The following MALRD1 variants were observed in gnomAD, a reference collection of about 807,000 sequenced individuals.
The protein encoded by MALRD1 is MAM and LDL-receptor class A domain-containing protein 1.
MALRD1 carries 247 observed loss-of-function variants against 242.1 expected under a neutral mutation model. The ratio of observed to expected loss-of-function variants is 1.02; its 90% confidence interval spans 0.92 to 1.13. MALRD1 has a LOEUF of 1.13. Among genes scored for constraint, MALRD1 ranks in the 50% most tolerant of loss-of-function variants. The pLI is 0.00. For missense variants in MALRD1, 2,989 were observed against 2,533.1 expected (o/e 1.18, Z -3.86); for synonymous variants, 995 against 866.6 (o/e 1.15, Z -2.60).
chr10:19,287,439 G>T (rs1270364104), intron 21 of MALRD1, among the ~76,000 whole-genome samples: 1 of 151,930 alleles, frequency 6.6e-6, no homozygotes, highest in Non-Finnish European at 1.5e-5. Context: ...TTCTGTTTAA[G>T]TTATTAGCTT....
intron 29 of MALRD1, among the ~76,000 whole-genome samples, chr10:19,479,351 C>A (rs4415632): frequency 6.6e-6 from 1 of 152,126 alleles, no homozygotes; most frequent in Admixed American, 6.5e-5. Flanking sequence ...TCAGATAATT[C>A]TTCGTGGAAG....
rs186414806 is a variant in MALRD1, at chr10:19,423,311, A to G, written c.4846-26996A>G. Among the ~76,000 whole-genome samples the G allele has an allele frequency of 5.9e-5, 9 of 152,140 alleles. No homozygotes were observed. In the East Asian group the frequency reaches 1.7e-3, roughly 29 times the overall value. On this transcript the variant is annotated intron_variant, in intron 28 of 39. Coordinates refer to ENST00000454679, the MANE Select transcript of MALRD1 (RefSeq NM_001142308.3). ...CTCTGTGGACCTGAAGTTATTACCA[A>G]TCTATGAACAAATATTATAATGATG...
At chr10:19,191,292 A>C (rs963085957) in intron 14 of MALRD1, among the ~76,000 whole-genome samples, 3 of 152,168 alleles carry the variant, frequency 2.0e-5, no homozygotes, top group African/African-American at 2.4e-5. Flanking sequence ...ATTACTACCC[A>C]AAAATAATAA....
At position 19,163,137 on chromosome 10, in the gene MALRD1, T is replaced by TGAAAAAAAA. The variant is rs1491309752; in HGVS notation, c.1657-2500_1657-2499insGAAAAAAAA. Among the ~76,000 whole-genome samples, 12 of 43,854 alleles carry TGAAAAAAAA rather than the reference T, an allele frequency of 2.7e-4. 2 individuals are homozygous for TGAAAAAAAA. The highest frequency in any genetic ancestry group is 7.0e-4 in the Admixed American group (2 of 2,860). The allele number at this position is 43,854 out of a possible 152,430, so 28.8% of individuals were successfully genotyped here. The stretch of plus-strand genomic sequence containing the variant: ...TGAACAACTGGAGTGAAACCCTGTC[T>TGAAAAAAAA]AAAAAAAAAAAAAAAAAAAAAAAAA... On this transcript the variant is annotated intron_variant, in intron 12 of 39. Transcript: ENST00000454679.
chr10:19,215,326 T>G (rs772402779), intron 18 of MALRD1, among the ~76,000 whole-genome samples: 40 of 152,360 alleles, frequency 2.6e-4, no homozygotes, highest in South Asian at 8.3e-4. Flanking sequence ...CTGTGTAAGC[T>G]GAACCAATTA....
At chr10:19,658,511 A>T (rs1264929957) in intron 36 of MALRD1, among the ~76,000 whole-genome samples, 1 of 152,138 alleles carries the variant, frequency 6.6e-6, no homozygotes, top group Non-Finnish European at 1.5e-5. Flanking sequence ...ACACACATAC[A>T]CACAAACACA....
intron 32 of MALRD1, among the ~76,000 whole-genome samples, chr10:19,560,726 A>G (rs1285239665): frequency 2.0e-5 from 3 of 152,162 alleles, no homozygotes; most frequent in African/African-American, 4.8e-5. Context: ...AAAACCAAAC[A>G]GCACATGTTC....
intron 19 of MALRD1, among the ~76,000 whole-genome samples, chr10:19,279,627 A>G (rs1195648078): frequency 6.6e-6 from 1 of 152,220 alleles, no homozygotes. Flanking sequence ...TATGTTAAAC[A>G]AAGATGAGGA....
At chr10:19,071,245 T>C (rs1333550978) in intron 2 of MALRD1, among the ~76,000 whole-genome samples, 1 of 152,046 alleles carries the variant, frequency 6.6e-6, no homozygotes, top group Non-Finnish European at 1.5e-5. Flanking sequence ...TACACATGCA[T>C]GTTTCCATTT....
chr10:19,270,744 T>C (rs977294864), intron 19 of MALRD1, among the ~76,000 whole-genome samples: 16 of 151,396 alleles, frequency 1.1e-4, no homozygotes, highest in African/African-American at 3.9e-4. Context: ...AAACTATTAA[T>C]TGTTAGCCTA....
chr10:19,539,850 C>CTTTT (rs59916756), intron 32 of MALRD1, among the ~76,000 whole-genome samples: 46 of 70,836 alleles, frequency 6.5e-4, no homozygotes, highest in Admixed American at 3.2e-3. Flanking sequence ...CCACACCCAG[C>CTTTT]TTTGTGCGTG....
chr10:19,283,207 C>T (rs2484099), intron 21 of MALRD1, 26 bp downstream of exon 21: 1 of 1,466,978 alleles, frequency 6.8e-7, no homozygotes. Flanking sequence ...TTTTGAATAT[C>T]TCTCTTGGGA....
chr10:19,694,972 A>G (rs1833298492), intron 38 of MALRD1, among the ~76,000 whole-genome samples: 1 of 152,208 alleles, frequency 6.6e-6, no homozygotes, highest in Non-Finnish European at 1.5e-5. Flanking sequence ...TACCACAAGG[A>G]CAAAAAACCA....
At chr10:19,488,784 G>T (rs1837341512) in intron 29 of MALRD1, 1 of 296,536 alleles carries the variant, frequency 3.4e-6, no homozygotes, top group South Asian at 3.1e-5. Context: ...GTAATGATCA[G>T]CCTCGGTCCC....
intron 19 of MALRD1, among the ~76,000 whole-genome samples, chr10:19,274,274 A>G (rs534638114): frequency 2.6e-5 from 4 of 152,324 alleles, no homozygotes; most frequent in South Asian, 2.1e-4. Flanking sequence ...TATACATACA[A>G]TGGAATATCA....
intron 12 of MALRD1, among the ~76,000 whole-genome samples, chr10:19,157,623 G>A (rs1834217446): frequency 1.3e-5 from 2 of 152,102 alleles, no homozygotes; most frequent in Admixed American, 1.3e-4. Context: ...GGAAAATCTA[G>A]CCAATCCTCC....
At chr10:19,637,748 A>G (rs915594313) in intron 36 of MALRD1, among the ~76,000 whole-genome samples, 1 of 152,060 alleles carries the variant, frequency 6.6e-6, no homozygotes, top group East Asian at 1.9e-4. Flanking sequence ...CCAGTTTGAG[A>G]TCACTTCCTT....
rs115238067 is a variant in MALRD1 at position 19,461,605 on chromosome 10, G to T, written c.5029+11115G>T. On this transcript the variant is annotated intron_variant, in intron 29 of 39. Coordinates refer to ENST00000454679, the MANE Select transcript of MALRD1 (RefSeq NM_001142308.3). ...GCTCACATCTGTAATCCTACACTGT[G>T]GGGGGAGGCTGAGGCAGGAAGATCA... 5.0e-3 allele frequency among the ~76,000 whole-genome samples: 764 copies of T among 152,184 alleles called. 5 individuals are homozygous for T. The highest frequency in any genetic ancestry group is 0.017 in the African/African-American group (691 of 41,532).
chr10:19,173,270 CAT>C lies in MALRD1; in HGVS notation c.1831-1937_1831-1936del, dbSNP rs536358656. Among the ~76,000 whole-genome samples the C allele has an allele frequency of 4.4e-4, 67 of 152,068 alleles. 1 individual carries two copies. In the South Asian group the frequency reaches 0.011, roughly 25 times the overall value. ...AACTTATTTTTTTTACTCCAAAACA[CAT>C]GTTGAATTTCTTTCCATAATGACAC... is the stretch of plus-strand genomic sequence containing the variant. On this transcript the variant is annotated intron_variant, in intron 13 of 39. Coordinates refer to ENST00000454679, the MANE Select transcript of MALRD1 (RefSeq NM_001142308.3).
Sources: gnomAD v4.1 joint callset for allele counts (sites outside exome capture counted in the v4.1 genomes callset) on GRCh38, gnomAD v4.1.1 for gene constraint, MANE v1.5 for transcripts, NCBI Gene and HGNC (gene_info 2026-07-23, HGNC 2026-07-21) for gene names.